Variants in GDPD5 observed in about 807,000 individuals in gnomAD.
The protein encoded by GDPD5 is glycerophosphodiester phosphodiesterase domain containing 5.
GDPD5 carries 48 observed loss-of-function variants against 75.1 expected under a neutral mutation model. That is an observed-to-expected ratio of 0.64 (90% CI 0.51 to 0.81). The LOEUF (loss-of-function observed/expected upper bound fraction) is 0.81, where lower values mean the gene tolerates loss of function less well. Among genes scored for constraint, GDPD5 ranks in the 40% least tolerant of loss-of-function variants. The pLI is 0.00. For synonymous variants in GDPD5, 336 were observed against 339.0 expected (o/e 0.99, Z 0.10); for missense variants, 706 against 822.6 (o/e 0.86, Z 1.73).
Position 75,449,813 on chromosome 11 carries a change from C to T in GDPD5, c.474+72G>A, listed in dbSNP as rs1949091141. 5 of 1,514,154 alleles carry T rather than the reference C, an allele frequency of 3.3e-6. No homozygotes were observed. The African/African-American group carries it at 5.5e-5, about 17-fold the overall frequency. The allele number at this position is 1,514,154 out of a possible 1,614,324, so 93.8% of individuals were successfully genotyped here. Reference sequence around the variant, plus strand: ...GGGCGCCTCCCTGCCCTTCTTTGGGCCTTGGTCTGGAGAAAGGGAAGTGAC... The same window carrying T: ...GGGCGCCTCCCTGCCCTTCTTTGGGTCTTGGTCTGGAGAAAGGGAAGTGAC... On this transcript the variant is annotated intron_variant, in intron 7 of 16. Transcript: ENST00000336898.
chr11:75,454,673 AT>A (rs1949245901), intron 6 of GDPD5, among the ~76,000 whole-genome samples: 1 of 152,212 alleles, frequency 6.6e-6, no homozygotes, highest in African/African-American at 2.4e-5. Flanking sequence ...AGCTCCAAGA[AT>A]TCTGTTAAGG....
At chr11:75,468,124 C>T (rs1043976271) in intron 3 of GDPD5, among the ~76,000 whole-genome samples, 3 of 152,194 alleles carry the variant, frequency 2.0e-5, no homozygotes, top group Admixed American at 2.0e-4. Flanking sequence ...CAGGCCCCTG[C>T]CACTGTAGAC....
intron 2 of GDPD5, among the ~76,000 whole-genome samples, chr11:75,482,110 T>C (rs1949930938): frequency 6.6e-6 from 1 of 152,068 alleles, no homozygotes; most frequent in African/African-American, 2.4e-5. Flanking sequence ...ACATGTCCTC[T>C]GCCGCCCCTC....
chr11:75,494,065 C>A (rs982812512), intron 1 of GDPD5, among the ~76,000 whole-genome samples: 1 of 151,600 alleles, frequency 6.6e-6, no homozygotes, highest in South Asian at 2.1e-4. Context: ...TATTTCATGT[C>A]TATTTAAAGA....
rs1288133216 is a variant in GDPD5, at chr11:75,457,400, G to A, written c.315+293C>T. On this transcript the variant is annotated intron_variant, in intron 5 of 16. Transcript: ENST00000336898. ...CCAGGCCTCAGGTGCAGCAGCCCGA[G>A]AGGCCCTGGGCAAAATCTGAATTAA... Among the ~76,000 whole-genome samples the A allele has an allele frequency of 3.9e-5, 6 of 152,210 alleles. No individual in the cohort carries two copies. The East Asian group carries it at 1.2e-3, about 29-fold the overall frequency.
At chr11:75,475,065 G>A (rs1017625626) in intron 3 of GDPD5, among the ~76,000 whole-genome samples, 1 of 152,170 alleles carries the variant, frequency 6.6e-6, no homozygotes, top group Non-Finnish European at 1.5e-5. Context: ...CAATGACTAG[G>A]GCAATGCATG....
chr11:75,458,272 C>A (rs1949335596), intron 4 of GDPD5, among the ~76,000 whole-genome samples: 1 of 152,260 alleles, frequency 6.6e-6, no homozygotes, highest in African/African-American at 2.4e-5. Context: ...TCACTGTCAT[C>A]TCAACTTCAA....
chr11:75,437,395 G>A (rs1250383594), intron 15 of GDPD5: 3 of 261,346 alleles, frequency 1.1e-5, no homozygotes, highest in Non-Finnish European at 1.5e-5. Flanking sequence ...TAGTAGGCAC[G>A]ACTCTGTTGA....
intron 2 of GDPD5, chr11:75,479,396 A>G (rs1949853776): frequency 1.3e-5 from 2 of 152,184 alleles, no homozygotes. Context: ...TGAGCAGGAC[A>G]CACAAAGGCT....
At chr11:75,495,384 G>A (rs1210947403) in intron 1 of GDPD5, among the ~76,000 whole-genome samples, 1 of 151,566 alleles carries the variant, frequency 6.6e-6, no homozygotes, top group African/African-American at 2.4e-5. Flanking sequence ...AGAATCACTT[G>A]AACCTGAGAA....
intron 2 of GDPD5, among the ~76,000 whole-genome samples, chr11:75,484,404 C>A (rs1196373639): frequency 6.6e-6 from 1 of 152,206 alleles, no homozygotes; most frequent in African/African-American, 2.4e-5. Context: ...CTCTCCACTC[C>A]TACCCAGGCG....
At chr11:75,477,981 C>T (rs1015730620) in intron 2 of GDPD5, 186 bp from the exon 3 acceptor site, 3 of 354,994 alleles carry the variant, frequency 8.5e-6, no homozygotes, top group Non-Finnish European at 1.5e-5. Context: ...CTGCCTCCCA[C>T]CCAGGCCCTC....
At chr11:75,524,662 C>A (rs1941594004) in intron 1 of GDPD5, among the ~76,000 whole-genome samples, 1 of 152,192 alleles carries the variant, frequency 6.6e-6, no homozygotes, top group Non-Finnish European at 1.5e-5. Flanking sequence ...CTTAGAGACC[C>A]TGGAGTCTGA....
chr11:75,458,585 T>C (rs1011034501), intron 4 of GDPD5, among the ~76,000 whole-genome samples: 1 of 151,960 alleles, frequency 6.6e-6, no homozygotes, highest in African/African-American at 2.4e-5. Flanking sequence ...GGCAGGAGAA[T>C]GGGGTGAACC....
At chr11:75,497,824 G>A (rs752664975) in intron 1 of GDPD5, among the ~76,000 whole-genome samples, 2 of 152,180 alleles carry the variant, frequency 1.3e-5, no homozygotes, top group East Asian at 1.9e-4. Flanking sequence ...TCACTTAACC[G>A]GCCATGGGGC....
intron 16 of GDPD5, among the ~76,000 whole-genome samples, chr11:75,436,425 C>T (rs887504694): frequency 5.3e-5 from 8 of 152,168 alleles, no homozygotes; most frequent in African/African-American, 1.7e-4. Context: ...GTGTATCAGG[C>T]GCCCAAAGCC....
intron 2 of GDPD5, among the ~76,000 whole-genome samples, chr11:75,489,823 C>T (rs1394322930): frequency 6.6e-6 from 1 of 151,564 alleles, no homozygotes; most frequent in Non-Finnish European, 1.5e-5. Context: ...CACTGCAGCT[C>T]GAACTCCTGG....
In GDPD5 at chr11:75,461,981, AC is replaced by A. The variant is rs542614746; in HGVS notation, c.221+804del. 4.1e-3 allele frequency among the ~76,000 whole-genome samples: 625 copies of A among 152,320 alleles called. 1 individual carries two copies. Among genetic ancestry groups the A allele is most frequent in the Middle Eastern group, 6.8e-3 (2 of 294 alleles). ...AGGAAAAAACAGGTGCCCCTCCTGT[AC>A]CCAGGTAAGTGGCTCAGACGGCCCT... On this transcript the variant is annotated intron_variant, in intron 4 of 16. Coordinates refer to ENST00000336898, the MANE Select transcript of GDPD5 (RefSeq NM_030792.8).
chr11:75,522,461 C>A (rs1180791712), intron 1 of GDPD5, among the ~76,000 whole-genome samples: 1 of 152,182 alleles, frequency 6.6e-6, no homozygotes, highest in Non-Finnish European at 1.5e-5. Context: ...CCCTCCACCC[C>A]TTTCTGCCCT....
Sources: allele counts gnomAD v4.1 joint callset (sites outside exome capture counted in the v4.1 genomes callset), GRCh38; gene constraint gnomAD v4.1.1; transcripts MANE v1.5; gene names NCBI Gene and HGNC (gene_info 2026-07-23, HGNC 2026-07-21).